Variants in SEC61B observed in about 807,000 individuals in gnomAD.
SEC61B encodes SEC61 translocon subunit beta.
A neutral mutation model predicts 12.6 loss-of-function variants in SEC61B; 7 were observed. The observed-to-expected ratio is 0.55, with a 90% CI of 0.32 to 1.04. The LOEUF is 1.04. Ranked by LOEUF, SEC61B falls within the 50% of genes least tolerant of loss-of-function variation. SEC61B has a pLI of 0.05. For synonymous variants in SEC61B, 54 were observed against 50.1 expected (o/e 1.08, Z -0.33); for missense variants, 107 against 130.1 (o/e 0.82, Z 0.86).
chr9:99,222,778 T>C (rs779255892), intron 2 of SEC61B, 135 bp downstream of exon 2: 23 of 639,416 alleles, frequency 3.6e-5, no homozygotes, highest in Non-Finnish European at 6.0e-5. Context: ...GCCGTGGGAG[T>C]AGTTAAAGGC....
rs571164044 is a variant in SEC61B at position 99,230,490 on chromosome 9, T to C, written c.*66T>C. On this transcript the variant is annotated 3_prime_UTR_variant, in exon 4 of 4. Transcript: ENST00000223641. Reference sequence around the variant, plus strand: ...AACCCAACATTTCTTGGACCAAAAGTATAGTGACTATCTGTTCATGAGAGA... The same window carrying C: ...AACCCAACATTTCTTGGACCAAAAGCATAGTGACTATCTGTTCATGAGAGA... 4 of 1,000,608 alleles carry C rather than the reference T, an allele frequency of 4.0e-6. No homozygotes were observed. The Admixed American group carries it at 5.4e-5, about 13-fold the overall frequency. The allele number at this position is 1,000,608 out of a possible 1,614,324, so 62.0% of individuals were successfully genotyped here.
Position 99,222,588 on chromosome 9 carries a change from C to T in SEC61B, c.46C>T (p.Arg16Cys). 6.4e-7 allele frequency: 1 copy of T among 1,560,476 alleles called. No homozygotes were observed. Among genetic ancestry groups the T allele is most frequent in the Non-Finnish European group, 8.7e-7 (1 of 1,152,394 alleles). Residue 16 changes from arginine to cysteine, a missense_variant, in exon 2 of 4, where the codon CGC becomes TGC. Transcript: ENST00000223641. ...PSGTNVGSSG[R>C]SPSKAVAARA... ...TGGCACTAACGTGGGATCCTCAGGG[C>T]GCTCTCCCAGCAAAGCAGTGGCCGC... is the stretch of plus-strand genomic sequence containing the variant.
chr9:99,223,601 G>A (rs1217011617), intron 2 of SEC61B, among the ~76,000 whole-genome samples: 1 of 152,112 alleles, frequency 6.6e-6, no homozygotes, highest in Non-Finnish European at 1.5e-5. Context: ...CACCATGTTA[G>A]CCAGGATGGT....
At position 99,222,685 on chromosome 9, in the gene SEC61B, A is replaced by G. The variant is rs141274350; in HGVS notation, c.101+42A>G. 81 of 1,364,394 alleles carry G rather than the reference A, an allele frequency of 5.9e-5. No homozygotes were observed. The African/African-American group carries it at 8.5e-4, about 14-fold the overall frequency. The allele number at this position is 1,364,394 out of a possible 1,614,324, so 84.5% of individuals were successfully genotyped here. A position where few individuals can be genotyped will look rare whatever the true frequency, so the allele number is the denominator to read the frequency against. ...TTCGTTCGCTTCCAGACTCGGAGAT[A>G]GGACCCAGAACCTCGCTGATTCTGG... is the stretch of plus-strand genomic sequence containing the variant. On this transcript the variant is annotated intron_variant, in intron 2 of 3. Coordinates refer to ENST00000223641, the MANE Select transcript of SEC61B (RefSeq NM_006808.3).
intron 3 of SEC61B, among the ~76,000 whole-genome samples, chr9:99,229,359 C>T (rs1335925203): frequency 1.3e-5 from 2 of 152,100 alleles, no homozygotes; most frequent in Admixed American, 6.5e-5. Flanking sequence ...GGGTTTTGCT[C>T]TGTCGCCCAG....
intron 2 of SEC61B, among the ~76,000 whole-genome samples, chr9:99,226,449 C>G (rs17725470): frequency 0.062 from 9,384 of 152,176 alleles, 338 homozygotes; most frequent in Non-Finnish European, 0.079. Context: ...ATGCCCTTCC[C>G]TTTTTCAAAA....
intron 3 of SEC61B, among the ~76,000 whole-genome samples, chr9:99,228,212 G>A (rs1393226736): frequency 1.3e-5 from 2 of 152,228 alleles, no homozygotes; most frequent in African/African-American, 4.8e-5. Context: ...TGGAGTGAGG[G>A]AAAGGAAAGG....
intron 3 of SEC61B, among the ~76,000 whole-genome samples, chr9:99,229,194 T>C (rs367918167): frequency 1.5e-4 from 23 of 152,322 alleles, no homozygotes; most frequent in African/African-American, 5.5e-4. Context: ...TCTCTTATAT[T>C]GGAGACTTAT....
chr9:99,230,314 A>T, intron 3 of SEC61B, 23 bp from the exon 4 acceptor site: 1 of 1,476,196 alleles, frequency 6.8e-7, no homozygotes, highest in Non-Finnish European at 9.4e-7. Flanking sequence ...AAAAGTAAGC[A>T]TGCTTTCTCT....
At chr9:99,228,495 G>C (rs994317217) in intron 3 of SEC61B, among the ~76,000 whole-genome samples, 10 of 152,152 alleles carry the variant, frequency 6.6e-5, no homozygotes, top group Non-Finnish European at 1.5e-4. Context: ...AGACTCAGGA[G>C]GGTGAACATG....
chr9:99,222,712 G>T lies in SEC61B; in HGVS notation c.101+69G>T. Reference sequence around the variant, plus strand: ...GACCCAGAACCTCGCTGATTCTGGGGTGGAGACCCTAGCATGTGAAGATTG... The same window carrying T: ...GACCCAGAACCTCGCTGATTCTGGGTTGGAGACCCTAGCATGTGAAGATTG... On this transcript the variant is annotated intron_variant, in intron 2 of 3. Coordinates refer to ENST00000223641, the MANE Select transcript of SEC61B (RefSeq NM_006808.3). 5.5e-6 allele frequency: 6 copies of T among 1,095,140 alleles called. No individual in the cohort carries two copies. In the South Asian group the frequency reaches 9.6e-5, roughly 18 times the overall value. 67.8% of individuals were successfully genotyped at this position (1,095,140 alleles called of 1,614,324 possible). A position where few individuals can be genotyped will look rare whatever the true frequency, so the allele number is the denominator to read the frequency against.
At chr9:99,227,815 C>A in intron 2 of SEC61B, 84 bp from the exon 3 acceptor site, 9 of 903,814 alleles carry the variant, frequency 1.0e-5, no homozygotes, top group Non-Finnish European at 1.4e-5. Flanking sequence ...GATTCCTTAA[C>A]TGTGTAATAA....
intron 2 of SEC61B, 96 bp downstream of exon 2, chr9:99,222,739 C>A (rs1023301165): frequency 1.1e-6 from 1 of 898,346 alleles, no homozygotes. Context: ...TGAAGATTGA[C>A]AAAGGCAAAA....
Position 99,230,460 on chromosome 9 carries a change from GA to G in SEC61B, c.*42del, listed in dbSNP as rs1419198832. On this transcript the variant is annotated 3_prime_UTR_variant, in exon 4 of 4. Transcript: ENST00000223641. ...ATCCATCTGTCATCTGAAGAAGGAG[GA>G]AAAAACCCAACATTTCTTGGACCAA... 7.1e-7 allele frequency: 1 copy of G among 1,401,996 alleles called. No individual in the cohort carries two copies. Among genetic ancestry groups the G allele is most frequent in the East Asian group, 2.3e-5 (1 of 42,998 alleles). The allele number at this position is 1,401,996 out of a possible 1,614,324, so 86.8% of individuals were successfully genotyped here.
At chr9:99,223,136 C>T (rs1217368930) in intron 2 of SEC61B, 2 of 152,768 alleles carry the variant, frequency 1.3e-5, no homozygotes, top group African/African-American at 4.8e-5. Flanking sequence ...CTCTTTCTCT[C>T]TCTAGTCATA....
intron 2 of SEC61B, among the ~76,000 whole-genome samples, chr9:99,223,701 A>G (rs910332287): frequency 3.3e-5 from 5 of 152,178 alleles, no homozygotes; most frequent in African/African-American, 1.2e-4. Context: ...CTTCAGCCTA[A>G]TCTTTCTTTG....
intron 3 of SEC61B, 68 bp downstream of exon 3, chr9:99,228,068 C>T (rs1372374335): frequency 3.3e-5 from 40 of 1,205,496 alleles, no homozygotes; most frequent in Non-Finnish European, 1.2e-6. Flanking sequence ...AGCACTCTGT[C>T]TCTGTCACCA....
At chr9:99,223,719 A>G (rs1828864546) in intron 2 of SEC61B, among the ~76,000 whole-genome samples, 1 of 152,180 alleles carries the variant, frequency 6.6e-6, no homozygotes, top group Non-Finnish European at 1.5e-5. Flanking sequence ...TTGCTGTCCT[A>G]TGATCCAGCA....
chr9:99,222,410 G>C (rs1162975961), intron 1 of SEC61B, 44 bp downstream of exon 1: 1 of 1,613,886 alleles, frequency 6.2e-7, no homozygotes. Flanking sequence ...CAGAAGCCCT[G>C]ACTCCTCCTG....
Sources: gnomAD v4.1 joint callset for allele counts (sites outside exome capture counted in the v4.1 genomes callset) on GRCh38, gnomAD v4.1.1 for gene constraint, MANE v1.5 for transcripts, NCBI Gene and HGNC (gene_info 2026-07-23, HGNC 2026-07-21) for gene names.